Variants in TSHR observed in about 807,000 individuals in gnomAD.
TSHR encodes the protein thyrotropin receptor.
Under a neutral mutation model 64.1 loss-of-function variants are expected in TSHR, and 51 were observed. The ratio of observed to expected loss-of-function variants is 0.80; its 90% confidence interval spans 0.64 to 1.01. The LOEUF is 1.01. Among genes scored for constraint, TSHR ranks in the 50% least tolerant of loss-of-function variants. The pLI is 0.00. For missense variants in TSHR, 877 were observed against 942.8 expected, an observed-to-expected ratio of 0.93 and a Z score of 0.91; for synonymous variants, 361 against 361.9, an observed-to-expected ratio of 1.00 and a Z score of 0.03.
At chr14:81,120,058 T>C (rs1595146672) in intron 8 of TSHR, among the ~76,000 whole-genome samples, 3 of 121,846 alleles carry the variant, frequency 2.5e-5, no homozygotes, top group Non-Finnish European at 3.4e-5. Context: ...AGGGATAGCA[T>C]TGGGAGATAT....
intron 1 of TSHR, among the ~76,000 whole-genome samples, chr14:80,989,074 G>A (rs1594923957): frequency 6.6e-6 from 1 of 152,138 alleles, no homozygotes; most frequent in Non-Finnish European, 1.5e-5. Flanking sequence ...TTACCTTTCT[G>A]TTAACAAAAC....
intron 1 of TSHR, among the ~76,000 whole-genome samples, chr14:80,967,452 T>A (rs1449108125): frequency 6.6e-6 from 1 of 151,908 alleles, no homozygotes; most frequent in African/African-American, 2.4e-5. Flanking sequence ...ACCTGGATTA[T>A]TTTTGTATTT....
At chr14:81,025,414 C>G (rs1348612965) in intron 1 of TSHR, among the ~76,000 whole-genome samples, 1 of 151,808 alleles carries the variant, frequency 6.6e-6, no homozygotes, top group African/African-American at 2.4e-5. Context: ...GACTTGAACC[C>G]TAATTATTCC....
intron 3 of TSHR, among the ~76,000 whole-genome samples, chr14:81,073,362 A>C (rs982535669): frequency 4.6e-5 from 7 of 152,080 alleles, no homozygotes; most frequent in Non-Finnish European, 1.0e-4. Context: ...TTTGAACATA[A>C]TTTACAAACT....
chr14:81,115,797 T>C (rs560489744), intron 8 of TSHR, among the ~76,000 whole-genome samples: 10,209 of 151,786 alleles, frequency 0.067, 875 homozygotes, highest in East Asian at 0.23. Flanking sequence ...CGGGTTACCC[T>C]CAAAGGGAAG....
chr14:81,009,185 C>G (rs1202628995), intron 1 of TSHR, among the ~76,000 whole-genome samples: 1 of 152,136 alleles, frequency 6.6e-6, no homozygotes, highest in Non-Finnish European at 1.5e-5. Flanking sequence ...TTTATGTCCT[C>G]TTCATTTGTG....
intron 6 of TSHR, chr14:81,093,728 T>C (rs2139989108): frequency 6.6e-6 from 1 of 152,410 alleles, no homozygotes; most frequent in Admixed American, 6.5e-5. Flanking sequence ...CACAACCTGG[T>C]GAGCGGTCCC....
intron 7 of TSHR, among the ~76,000 whole-genome samples, chr14:81,098,613 A>G (rs1889369020): frequency 6.6e-6 from 1 of 152,196 alleles, no homozygotes; most frequent in Non-Finnish European, 1.5e-5. Context: ...GGGTATAAAG[A>G]TTTCAGATGA....
At chr14:81,009,809 T>C (rs1889810578) in intron 1 of TSHR, among the ~76,000 whole-genome samples, 1 of 152,102 alleles carries the variant, frequency 6.6e-6, no homozygotes, top group Non-Finnish European at 1.5e-5. Context: ...TTCCACAAAG[T>C]TGAGTCTTGC....
At chr14:80,957,849 A>T (rs947255708) in intron 1 of TSHR, 2 of 152,244 alleles carry the variant, frequency 1.3e-5, no homozygotes, top group African/African-American at 2.4e-5. Flanking sequence ...AGGTGATGAC[A>T]TGATGCTGAT....
chr14:81,039,350 A>ATATCATGCCAAAT (rs1594986265), intron 1 of TSHR, among the ~76,000 whole-genome samples: 1 of 152,014 alleles, frequency 6.6e-6, no homozygotes, highest in East Asian at 1.9e-4. Flanking sequence ...TAACATGATA[A>ATATCATGCCAAAT]AGGCCAAATA....
chr14:81,018,627 T>C (rs1352649720), intron 1 of TSHR, among the ~76,000 whole-genome samples: 2 of 152,146 alleles, frequency 1.3e-5, no homozygotes, highest in Non-Finnish European at 2.9e-5. Context: ...TGTAACCTAC[T>C]TATCTAAAAC....
At chr14:81,120,900 C>T (rs1296294775) in intron 8 of TSHR, among the ~76,000 whole-genome samples, 2 of 151,776 alleles carry the variant, frequency 1.3e-5, no homozygotes, top group East Asian at 1.9e-4. Flanking sequence ...AATAAAAGAG[C>T]TTTTGAAAAT....
At chr14:80,969,915 A>T (rs1350180098) in intron 1 of TSHR, among the ~76,000 whole-genome samples, 1 of 152,238 alleles carries the variant, frequency 6.6e-6, no homozygotes, top group African/African-American at 2.4e-5. Flanking sequence ...TCAACCAGGT[A>T]AATTACTTGC....
chr14:80,973,363 G>T (rs1594903906), intron 1 of TSHR, among the ~76,000 whole-genome samples: 1 of 126,530 alleles, frequency 7.9e-6, no homozygotes, highest in East Asian at 2.4e-4. Flanking sequence ...CCGAGATCGC[G>T]CCACTGCACT....
At chr14:81,044,437 T>C (rs980480508) in intron 1 of TSHR, among the ~76,000 whole-genome samples, 15 of 152,192 alleles carry the variant, frequency 9.9e-5, no homozygotes, top group Middle Eastern at 3.4e-3. Flanking sequence ...GGTGGGCGGA[T>C]CACGAGGTCA....
rs911212079 is a variant in TSHR, at chr14:81,146,056, G to A, written c.*1703G>A. The A allele has an allele frequency of 1.7e-5, 4 of 230,398 alleles. No individual in the cohort carries two copies. Among genetic ancestry groups the A allele is most frequent in the East Asian group, 6.2e-5 (1 of 16,224 alleles). 14.3% of individuals were successfully genotyped at this position (230,398 alleles called of 1,614,324 possible). A position where few individuals can be genotyped will look rare whatever the true frequency, so the allele number is the denominator to read the frequency against. On this transcript the variant is annotated 3_prime_UTR_variant, in exon 10 of 10. Transcript: ENST00000298171. The stretch of plus-strand genomic sequence containing the variant: ...TCTTAATAGAAATATTATAAACATC[G>A]AAAATCATGACTTACCTAGAAGTTC...
intron 7 of TSHR, among the ~76,000 whole-genome samples, chr14:81,105,966 T>C (rs2268475): frequency 0.42 from 63,712 of 151,900 alleles, 16,519 homozygotes; most frequent in Non-Finnish European, 0.57. Flanking sequence ...GTTTTTTTTT[T>C]TCAAGGTGGA....
intron 7 of TSHR, among the ~76,000 whole-genome samples, chr14:81,100,685 C>A (rs1254540412): frequency 2.0e-5 from 3 of 152,192 alleles, no homozygotes; most frequent in Non-Finnish European, 4.4e-5. Context: ...AAGCAGCTCA[C>A]AGAACTCAGG....
Sources: allele counts gnomAD v4.1 joint callset (sites outside exome capture counted in the v4.1 genomes callset), GRCh38; gene constraint gnomAD v4.1.1; transcripts MANE v1.5; gene names NCBI Gene and HGNC (gene_info 2026-07-23, HGNC 2026-07-21).